The following CLUH variants were observed in gnomAD, a reference collection of about 807,000 sequenced individuals.
The protein encoded by CLUH is CLUH binding protein of NUMT mRNA.
CLUH carries 77 observed loss-of-function variants against 139.3 expected under a neutral mutation model. The ratio of observed to expected loss-of-function variants is 0.55; its 90% confidence interval spans 0.46 to 0.67. The LOEUF is 0.67. Among genes scored for constraint, CLUH ranks in the 30% least tolerant of loss-of-function variants. The pLI is 0.00. For synonymous variants in CLUH, 999 were observed against 801.6 expected, an observed-to-expected ratio of 1.25 and a Z score of -4.16; for missense variants, 1,876 against 1,875.8, an observed-to-expected ratio of 1.00 and a Z score of 0.00.
At chr17:2,691,923 C>G (rs1482068364) in intron 23 of CLUH, 28 bp from the exon 24 acceptor site, 7 of 1,311,408 alleles carry the variant, frequency 5.3e-6, no homozygotes, top group Middle Eastern at 2.6e-4. Flanking sequence ...GGGATCAGGC[C>G]CCCCCGTGCC....
rs2070146216 is a variant in CLUH at position 2,700,671 on chromosome 17, C to T, written c.1173+7G>A. The T allele has an allele frequency of 1.3e-6, 2 of 1,519,350 alleles. No individual in the cohort carries two copies. The highest frequency in any genetic ancestry group is 2.2e-5 in the Admixed American group (1 of 46,164). The allele number at this position is 1,519,350 out of a possible 1,614,324, so 94.1% of individuals were successfully genotyped here. A position where few individuals can be genotyped will look rare whatever the true frequency, so the allele number is the denominator to read the frequency against. On this transcript the variant is annotated splice_region_variant and intron_variant, in intron 8 of 25. Coordinates refer to ENST00000651024, the MANE Select transcript of CLUH (RefSeq NM_001366661.1). ...GCCCAGCGAGGGCAGGGCCAGGTTG[C>T]AGGCACCTGTCCAGGAATGTGCTCC...
At position 2,697,982 on chromosome 17, in the gene CLUH, T is replaced by A. The variant is rs1211513766; in HGVS notation, c.1875A>T (p.Glu625Asp). 3 of 1,590,114 alleles carry A rather than the reference T, an allele frequency of 1.9e-6. No homozygotes were observed. Among genetic ancestry groups the A allele is most frequent in the African/African-American group, 1.3e-5 (1 of 74,666 alleles). The change falls in exon 10 of 26, where the codon GAA becomes GAT. Residue 625 changes from glutamate to aspartate, a missense_variant. By Grantham distance (45) the Glu-to-Asp change is conservative. Coordinates refer to ENST00000651024, the MANE Select transcript of CLUH (RefSeq NM_001366661.1). Reference protein sequence around the residue: ...LPVPGEELPEECARAGFPRAH... With the variant: ...LPVPGEELPEDCARAGFPRAH... ...CGCGGGGGAAGCCGGCGCGGGCGCATTCCTCAGGCAGCTCCTCGCCAGGCA... is the reference window on the plus strand; with the variant it reads ...CGCGGGGGAAGCCGGCGCGGGCGCAATCCTCAGGCAGCTCCTCGCCAGGCA...
chr17:2,695,380 G>A lies in CLUH; in HGVS notation c.2538C>T (p.His846=), dbSNP rs1447387119. ...LRSPARHQLD[H]VFKIGIGELI... ...CACCCCGGGCAGCACTCACAAAGAC[G>A]TGGTCCAGCTGGTGGCGGGCCGGGC... is the stretch of plus-strand genomic sequence containing the variant. The change falls in exon 14 of 26, where the codon CAC becomes CAT. Residue 846 remains histidine (H), a synonymous_variant. Coordinates refer to ENST00000651024, the MANE Select transcript of CLUH (RefSeq NM_001366661.1). 1.1e-5 allele frequency: 18 copies of A among 1,612,884 alleles called. No homozygotes were observed. The highest frequency in any genetic ancestry group is 1.2e-5 in the Non-Finnish European group (14 of 1,179,704).
chr17:2,700,979 G>A (rs1455646570), intron 7 of CLUH, 154 bp from the exon 8 acceptor site: 1 of 1,438,570 alleles, frequency 7.0e-7, no homozygotes, highest in African/African-American at 1.4e-5. Context: ...CTCTCCTGCG[G>A]CTGCTGTCTC....
At position 2,704,240 on chromosome 17, in the gene CLUH, C is replaced by G; in HGVS notation, c.303+122G>C. 1.9e-6 allele frequency: 2 copies of G among 1,054,042 alleles called. No individual in the cohort carries two copies. The highest frequency in any genetic ancestry group is 2.7e-6 in the Non-Finnish European group (2 of 735,572). 65.3% of individuals were successfully genotyped at this position (1,054,042 alleles called of 1,614,324 possible). A position where few individuals can be genotyped will look rare whatever the true frequency, so the allele number is the denominator to read the frequency against. The stretch of plus-strand genomic sequence containing the variant: ...TAGCTGAGTGACTCTAGGGAGGGCA[C>G]GGGATCCTCAGTTTCCTGCCACAAA... On this transcript the variant is annotated intron_variant, in intron 2 of 25. Coordinates refer to ENST00000651024, the MANE Select transcript of CLUH (RefSeq NM_001366661.1). The surrounding 1 kb of genome is among the most constrained non-coding windows in gnomAD (Gnocchi z 5.7).
Position 2,692,350 on chromosome 17 carries a change from CG to C in CLUH, c.3560+10del. The C allele has an allele frequency of 6.4e-7, 1 of 1,553,506 alleles. No individual in the cohort carries two copies. The highest frequency in any genetic ancestry group is 8.6e-7 in the Non-Finnish European group (1 of 1,156,974). ...CCGCCGGCCTTGGCGTTTGGACGGG[CG>C]GCCCCTCACCTGAGGGCCACCTTGA... is the stretch of plus-strand genomic sequence containing the variant. On this transcript the variant is annotated intron_variant, in intron 22 of 25. Coordinates refer to ENST00000651024, the MANE Select transcript of CLUH (RefSeq NM_001366661.1).
At position 2,701,680 on chromosome 17, in the gene CLUH, T is replaced by C; in HGVS notation, c.677A>G (p.Glu226Gly). ...EMDPIDCTPPEYILPGSRERP... is the reference protein window; with the variant it reads ...EMDPIDCTPPGYILPGSRERP... ...CTCCCGGCTCCCTGGCAGGATGTAC[T>C]CGGGTGGTGTGCAGTCGATGGGGTC... Residue 226 changes from glutamate to glycine, a missense_variant, in exon 5 of 26, where the codon GAG (glutamate) becomes GGG (glycine). Transcript: ENST00000651024. 1 of 1,597,890 alleles carries C rather than the reference T, an allele frequency of 6.3e-7. No homozygotes were observed. The highest frequency in any genetic ancestry group is 8.5e-7 in the Non-Finnish European group (1 of 1,172,382).
chr17:2,708,644 G>A (rs1451597475), intron 1 of CLUH, among the ~76,000 whole-genome samples: 2 of 152,026 alleles, frequency 1.3e-5, no homozygotes, highest in Non-Finnish European at 2.9e-5. Context: ...AAAAACAGGA[G>A]TGTCAGACGC....
At chr17:2,695,338 C>T (rs762626021) in intron 14 of CLUH, 36 bp downstream of exon 14, 3 of 1,613,270 alleles carry the variant, frequency 1.9e-6, no homozygotes, top group Non-Finnish European at 2.5e-6. Flanking sequence ...CCCAGTCCCA[C>T]AGCTCCCGTT....
At chr17:2,692,908 A>C in intron 19 of CLUH, 48 bp from the exon 20 acceptor site, 3 of 1,514,038 alleles carry the variant, frequency 2.0e-6, no homozygotes, top group Non-Finnish European at 1.8e-6. Flanking sequence ...CCCCCACTGC[A>C]CCCAGAGCCC....
rs2070056384 is a variant in CLUH at position 2,698,525 on chromosome 17, C to T, written c.1332G>A (p.Met444Ile). ...GAMAVIDGNV[M>I]AINPSEETKM... is the part of the protein sequence containing the mutation. ...TGGTCTCCTCGCTGGGGTTGATGGC[C>T]ATCACGTTGCCGTCAATGACGGCCA... The change falls in exon 10 of 26, where the codon ATG becomes ATA. Residue 444 changes from methionine to isoleucine, a missense_variant. By Grantham distance (10) the Met-to-Ile change is conservative (BLOSUM62 1). This residue lies in a region of CLUH where 1,454 missense variants were observed against 1,384.4 expected (regional missense o/e 1.05). Transcript: ENST00000651024. 1.2e-6 allele frequency: 2 copies of T among 1,612,572 alleles called. No individual in the cohort carries two copies. The highest frequency in any genetic ancestry group is 2.2e-5 in the East Asian group (1 of 44,846).
Position 2,694,223 on chromosome 17 carries a change from C to G in CLUH, c.2991G>C (p.Glu997Asp). Residue 997 changes from glutamate (E) to aspartate (D), a missense_variant, in exon 18 of 26, where the codon GAG becomes GAC. By Grantham distance (45) the Glu-to-Asp change is conservative. Transcript: ENST00000651024. ...FDSRHKPAFTEEDVLNIFPVV... is the reference protein window; with the variant it reads ...FDSRHKPAFTDEDVLNIFPVV... ...CGGGGAAGATGTTGAGCACGTCCTCCTCGGTGAACGCGGGCTTGTGGCGAC... is the reference window on the plus strand; with the variant it reads ...CGGGGAAGATGTTGAGCACGTCCTCGTCGGTGAACGCGGGCTTGTGGCGAC... 1.9e-6 allele frequency: 3 copies of G among 1,612,870 alleles called. No homozygotes were observed. Among genetic ancestry groups the G allele is most frequent in the Non-Finnish European group, 1.7e-6 (2 of 1,179,386 alleles).
chr17:2,697,917 A>G lies in CLUH; in HGVS notation c.1940T>C (p.Val647Ala). 6.6e-7 allele frequency: 1 copy of G among 1,523,778 alleles called. No individual in the cohort carries two copies. The highest frequency in any genetic ancestry group is 1.4e-5 in the African/African-American group (1 of 73,236). 94.4% of individuals were successfully genotyped at this position (1,523,778 alleles called of 1,614,324 possible). A position where few individuals can be genotyped will look rare whatever the true frequency, so the allele number is the denominator to read the frequency against. The change falls in exon 10 of 26, where the codon GTG becomes GCG. Residue 647 changes from valine to alanine, a missense_variant. Around this residue, in one of 3 missense-constraint regions of CLUH, gnomAD observed 1,454 missense variants for 1,384.4 expected, o/e 1.05. Transcript: ENST00000651024. Reference protein sequence around the residue: ...HKLCCLRQELVDAFVEHRYLL... With the variant: ...HKLCCLRQELADAFVEHRYLL... Reference sequence around the variant, plus strand: ...TCACCTGTGCTCCACGAAGGCGTCCACCAGCTCCTGGCGCAGGCAGCAGAG... The same window carrying G: ...TCACCTGTGCTCCACGAAGGCGTCCGCCAGCTCCTGGCGCAGGCAGCAGAG...
intron 1 of CLUH, among the ~76,000 whole-genome samples, chr17:2,709,081 C>T (rs910054032): frequency 1.1e-4 from 16 of 152,204 alleles, no homozygotes; most frequent in African/African-American, 3.9e-4. Flanking sequence ...CACACCCTTG[C>T]CCCGGCCTGG....
Position 2,692,598 on chromosome 17 carries a change from T to G in CLUH, c.3411A>C (p.Glu1137Asp). ...CCAGCAGCGCCATCTCGGGGTGGTC[T>G]TCCCCGAACACCAGCAGCATGAGGT... ...ARYLMLLVFG[E>D]DHPEMALLDN... The change falls in exon 21 of 26, where the codon GAA becomes GAC. Residue 1137 changes from glutamate to aspartate, a missense_variant. By Grantham distance (45) the Glu-to-Asp change is conservative (BLOSUM62 2). Around this residue, in one of 3 missense-constraint regions of CLUH, gnomAD observed 1,454 missense variants for 1,384.4 expected, o/e 1.05. Coordinates refer to ENST00000651024, the MANE Select transcript of CLUH (RefSeq NM_001366661.1). The G allele has an allele frequency of 6.2e-7, 1 of 1,612,448 alleles. No homozygotes were observed. The highest frequency in any genetic ancestry group is 8.5e-7 in the Non-Finnish European group (1 of 1,179,526).
Position 2,697,878 on chromosome 17 carries a change from G to A in CLUH, c.1961+18C>T, listed in dbSNP as rs542283796. 18 of 1,460,300 alleles carry A rather than the reference G, an allele frequency of 1.2e-5. No homozygotes were observed. The Admixed American group carries it at 2.4e-4, about 20-fold the overall frequency. 90.5% of individuals were successfully genotyped at this position (1,460,300 alleles called of 1,614,324 possible). ...CTGCAGCTGGCCCCGGCCCTGGTCCGGCAGGGCCGCCCCTCACCTGTGCTC... is the reference window on the plus strand; with the variant it reads ...CTGCAGCTGGCCCCGGCCCTGGTCCAGCAGGGCCGCCCCTCACCTGTGCTC... On this transcript the variant is annotated intron_variant, in intron 10 of 25. Transcript: ENST00000651024.
intron 19 of CLUH, among the ~76,000 whole-genome samples, chr17:2,693,666 G>C (rs1018838321): frequency 2.6e-5 from 4 of 152,150 alleles, no homozygotes; most frequent in Admixed American, 2.6e-4. Context: ...CTGACGCCCT[G>C]TGGGGGGGTC....
intron 22 of CLUH, 127 bp from the exon 23 acceptor site, chr17:2,692,224 G>C (rs1166254340): frequency 6.9e-7 from 1 of 1,446,370 alleles, no homozygotes; most frequent in African/African-American, 1.4e-5. Context: ...AGCAAGTCCA[G>C]GGCTCAGGGA....
chr17:2,696,144 C>A lies in CLUH; in HGVS notation c.2391+15G>T, dbSNP rs750814852. ...TCCACACAAGCCCCACCCAGCCCCGCAGCCCCTCCCTCACCAAGCCAGGGA... is the reference window on the plus strand; with the variant it reads ...TCCACACAAGCCCCACCCAGCCCCGAAGCCCCTCCCTCACCAAGCCAGGGA... On this transcript the variant is annotated intron_variant, in intron 13 of 25. Coordinates refer to ENST00000651024, the MANE Select transcript of CLUH (RefSeq NM_001366661.1). 2.6e-6 allele frequency: 4 copies of A among 1,549,106 alleles called. No individual in the cohort carries two copies. Among genetic ancestry groups the A allele is most frequent in the Non-Finnish European group, 3.5e-6 (4 of 1,144,884 alleles).
Sources: gnomAD v4.1 joint callset for allele counts (sites outside exome capture counted in the v4.1 genomes callset) on GRCh38, gnomAD v4.1.1 for gene constraint, gnomAD v4.1.1 regional missense constraint, Gnocchi (gnomAD v3.1) non-coding constraint, MANE v1.5 for transcripts, NCBI Gene and HGNC (gene_info 2026-07-23, HGNC 2026-07-21) for gene names.